Variants in COL5A2 observed in about 807,000 individuals in gnomAD.
COL5A2 encodes the protein collagen type V alpha 2 chain, also known as collagen alpha-2(V) chain.
Under a neutral mutation model 208.2 loss-of-function variants are expected in COL5A2, and 23 were observed. The observed-to-expected ratio is 0.11, with a 90% CI of 0.08 to 0.16. The LOEUF is 0.16. Ranked by LOEUF, COL5A2 falls within the 10% of genes least tolerant of loss-of-function variation. The pLI, the probability that COL5A2 is intolerant of heterozygous loss-of-function variation, is 1.00. For synonymous variants in COL5A2, 625 were observed against 628.5 expected, an observed-to-expected ratio of 0.99 and a Z score of 0.08; for missense variants, 1,590 against 1,956.4, an observed-to-expected ratio of 0.81 and a Z score of 3.53.
chr2:189,358,307 G>T, the COL5A2 span, among the ~76,000 whole-genome samples: 2 of 152,060 alleles, frequency 1.3e-5, no homozygotes, highest in Non-Finnish European at 2.9e-5. Flanking sequence ...CTCTGATGGA[G>T]ATGTAAAAAG....
chr2:189,207,027 T>C (rs1576585928), intron 1 of COL5A2, among the ~76,000 whole-genome samples: 2 of 152,342 alleles, frequency 1.3e-5, no homozygotes, highest in South Asian at 4.1e-4. Context: ...TTTGTAAACA[T>C]AACCTTGGAT....
At chr2:189,299,184 A>G in the COL5A2 span, among the ~76,000 whole-genome samples, 2 of 152,216 alleles carry the variant, frequency 1.3e-5, no homozygotes, top group African/African-American at 4.8e-5. Flanking sequence ...TGCAAGAAGT[A>G]TATTTACTAT....
intron 35 of COL5A2, among the ~76,000 whole-genome samples, chr2:189,056,014 G>T (rs1576497432): frequency 6.6e-6 from 1 of 152,120 alleles, no homozygotes; most frequent in East Asian, 1.9e-4. Context: ...TATCTTTTGT[G>T]CATAATTTGT....
chr2:189,141,525 T>G (rs535731526), intron 1 of COL5A2, among the ~76,000 whole-genome samples: 64 of 152,322 alleles, frequency 4.2e-4, no homozygotes, highest in African/African-American at 1.5e-3. Flanking sequence ...TACAATTATC[T>G]GACTGGGATA....
intron 1 of COL5A2, among the ~76,000 whole-genome samples, chr2:189,174,833 C>T (rs1018060344): frequency 3.3e-5 from 5 of 152,098 alleles, no homozygotes; most frequent in Non-Finnish European, 7.4e-5. Flanking sequence ...TACCAATGTA[C>T]ATATGTAGAA....
At chr2:189,315,167 A>C in the COL5A2 span, among the ~76,000 whole-genome samples, 1 of 152,194 alleles carries the variant, frequency 6.6e-6, no homozygotes, top group African/African-American at 2.4e-5. Context: ...TGATGCAAAA[A>C]TCCCCAACAA....
chr2:189,348,264 C>A, the COL5A2 span, among the ~76,000 whole-genome samples: 8 of 152,078 alleles, frequency 5.3e-5, no homozygotes, highest in Admixed American at 5.2e-4. Flanking sequence ...AACATATTAT[C>A]ACCAGTGTAA....
At chr2:189,126,830 T>A (rs1347859847) in intron 1 of COL5A2, among the ~76,000 whole-genome samples, 1 of 152,086 alleles carries the variant, frequency 6.6e-6, no homozygotes, top group African/African-American at 2.4e-5. Flanking sequence ...CATGGAATGC[T>A]AAGGCCATGA....
intron 1 of COL5A2, among the ~76,000 whole-genome samples, chr2:189,131,646 G>A (rs1396235154): frequency 6.6e-6 from 1 of 152,110 alleles, no homozygotes; most frequent in African/African-American, 2.4e-5. Context: ...ACCCGAAGGA[G>A]GGAAAATATG....
At chr2:189,250,255 C>T in the COL5A2 span, among the ~76,000 whole-genome samples, 67 of 152,098 alleles carry the variant, frequency 4.4e-4, no homozygotes, top group Admixed American at 4.1e-3. Context: ...TTAATTTGCA[C>T]GGCAAATTCA....
the COL5A2 span, among the ~76,000 whole-genome samples, chr2:189,352,013 A>C: frequency 2.0e-5 from 3 of 147,000 alleles, no homozygotes; most frequent in East Asian, 2.0e-4. Flanking sequence ...CTGTGATCTC[A>C]TTGTTCAACT....
At chr2:189,261,486 AGAG>A in the COL5A2 span, among the ~76,000 whole-genome samples, 1 of 152,212 alleles carries the variant, frequency 6.6e-6, no homozygotes, top group Non-Finnish European at 1.5e-5. Context: ...TCAGTCAGTC[AGAG>A]GAGAGTTGGC....
chr2:189,168,542 A>C (rs771151208), intron 1 of COL5A2, among the ~76,000 whole-genome samples: 21 of 152,148 alleles, frequency 1.4e-4, no homozygotes, highest in Non-Finnish European at 2.9e-4. Context: ...TGAGAACGAA[A>C]GAATGAGAAA....
intron 12 of COL5A2, among the ~76,000 whole-genome samples, chr2:189,082,816 G>A (rs1686565115): frequency 6.6e-6 from 1 of 152,164 alleles, no homozygotes; most frequent in African/African-American, 2.4e-5. Context: ...AGCAGGACAT[G>A]GGAAGTTCAA....
rs1266888513 is a variant in COL5A2, at chr2:189,033,443, T to C, written c.*627A>G. The C allele has an allele frequency of 6.5e-6, 1 of 152,672 alleles. No homozygotes were observed. Among genetic ancestry groups the C allele is most frequent in the Non-Finnish European group, 1.5e-5 (1 of 68,206 alleles). 9.5% of individuals were successfully genotyped at this position (152,672 alleles called of 1,614,324 possible). A position where few individuals can be genotyped will look rare whatever the true frequency, so the allele number is the denominator to read the frequency against. Reference sequence around the variant, plus strand: ...GTTCTCCAAAATGCCACTGAATATATACTATTTAAAAATTCTATTTAAGAC... The same window carrying C: ...GTTCTCCAAAATGCCACTGAATATACACTATTTAAAAATTCTATTTAAGAC... On this transcript the variant is annotated 3_prime_UTR_variant, in exon 54 of 54. Coordinates refer to ENST00000374866, the MANE Select transcript of COL5A2 (RefSeq NM_000393.5).
In COL5A2 at chr2:189,033,948, A is replaced by G; in HGVS notation, c.*122T>C. ...CCAGGCACTTAAGACCATATATACAATGCTGATGCAGGATCAGCCATTACT... is the reference window on the plus strand; with the variant it reads ...CCAGGCACTTAAGACCATATATACAGTGCTGATGCAGGATCAGCCATTACT... On this transcript the variant is annotated 3_prime_UTR_variant, in exon 54 of 54. Transcript: ENST00000374866. The G allele has an allele frequency of 2.4e-6, 3 of 1,275,618 alleles. No individual in the cohort carries two copies. The highest frequency in any genetic ancestry group is 2.4e-5 in the South Asian group (2 of 83,632). 79.0% of individuals were successfully genotyped at this position (1,275,618 alleles called of 1,614,324 possible).
intron 1 of COL5A2, among the ~76,000 whole-genome samples, chr2:189,177,687 G>C (rs1469799675): frequency 1.3e-5 from 2 of 152,092 alleles, no homozygotes; most frequent in Non-Finnish European, 2.9e-5. Flanking sequence ...ACTGGGGTTG[G>C]ATTGGAGTTG....
At chr2:189,364,058 T>A in the COL5A2 span, among the ~76,000 whole-genome samples, 5 of 152,314 alleles carry the variant, frequency 3.3e-5, no homozygotes, top group South Asian at 2.1e-4. Context: ...ACGCAAGCAA[T>A]GAATCCAGCC....
chr2:189,197,289 G>A (rs1482796019), intron 1 of COL5A2, among the ~76,000 whole-genome samples: 1 of 142,474 alleles, frequency 7.0e-6, no homozygotes, highest in Non-Finnish European at 1.6e-5. Context: ...CCAGGGGGTT[G>A]GGGTGCGATG....
Sources: gnomAD v4.1 joint callset for allele counts (sites outside exome capture counted in the v4.1 genomes callset) on GRCh38, gnomAD v4.1.1 for gene constraint, MANE v1.5 for transcripts, NCBI Gene and HGNC (gene_info 2026-07-23, HGNC 2026-07-21) for gene names.